CCDC14: variants seen among roughly 807,000 people sequenced by gnomAD.
CCDC14 encodes the protein coiled-coil domain-containing protein 14.
In CCDC14, 71 loss-of-function variants were observed where a neutral mutation model predicts 81.4. The ratio of observed to expected loss-of-function variants is 0.87; its 90% CI spans 0.72 to 1.06. CCDC14 has a LOEUF of 1.06. Ranked by LOEUF, CCDC14 falls within the 50% of genes least tolerant of loss-of-function variation. The pLI is 0.00. For synonymous variants in CCDC14, 332 were observed against 364.8 expected (o/e 0.91, Z 1.03); for missense variants, 1,046 against 1,047.3 (o/e 1.00, Z 0.02).
At position 123,925,636 on chromosome 3, in the gene CCDC14, A is replaced by T. The variant is rs147052195; in HGVS notation, c.1778+5466T>A. 6.1e-3 allele frequency among the ~76,000 whole-genome samples: 923 copies of T among 152,252 alleles called. 5 individuals are homozygous for T. Among genetic ancestry groups the T allele is most frequent in the African/African-American group, 0.021 (888 of 41,544 alleles). On this transcript the variant is annotated intron_variant, in intron 12 of 12. Transcript: ENST00000409697. ...TTTTTAGTAGAGACAGGGTTTTACC[A>T]TGTTGGCCAGGCTGGTCTCAAACTC...
Position 123,931,111 on chromosome 3 carries a change from T to C in CCDC14, c.1769A>G (p.Glu590Gly), listed in dbSNP as rs769320851. The change falls in exon 12 of 13, where the codon GAA (glutamate) becomes GGA (glycine). Residue 590 changes from glutamate (E) to glycine (G), a missense_variant. Glu to Gly is a moderately conservative substitution (Grantham distance 98). Coordinates refer to ENST00000409697, the MANE Select transcript of CCDC14 (RefSeq NM_001366335.1). ...AGGAAGTCAATTTTACCTGGTTAAT[T>C]CTCTTAGTCGAGTCACCTCAGCATC... ...QRDAEVTRLRELTRTLQTSMA... is the reference protein window; with the variant it reads ...QRDAEVTRLRGLTRTLQTSMA... 19 of 1,578,142 alleles carry C rather than the reference T, an allele frequency of 1.2e-5. No homozygotes were observed. Among genetic ancestry groups the C allele is most frequent in the Non-Finnish European group, 1.5e-5 (18 of 1,170,872 alleles).
intron 9 of CCDC14, among the ~76,000 whole-genome samples, chr3:123,940,880 GCCTAA>G (rs2036314846): frequency 6.6e-6 from 1 of 151,904 alleles, no homozygotes; most frequent in African/African-American, 2.4e-5. Flanking sequence ...CTATTACCTT[GCCTAA>G]CTCAAAAAAC....
In CCDC14 at chr3:123,944,951, G is replaced by A; in HGVS notation, c.1241C>T (p.Ala414Val). ...EIQRLITEMEACISVLPTVSG... is the reference protein window; with the variant it reads ...EIQRLITEMEVCISVLPTVSG... ...TACTGTTGGAAGTACAGATATACATGCCTCCATTTCTGTAATCAACCTCTG... is the reference window on the plus strand; with the variant it reads ...TACTGTTGGAAGTACAGATATACATACCTCCATTTCTGTAATCAACCTCTG... The change falls in exon 9 of 13, where the codon GCA (alanine) becomes GTA (valine). Residue 414 changes from alanine (A) to valine (V), a missense_variant. Ala to Val is a moderately conservative substitution (Grantham distance 64). Transcript: ENST00000409697. The A allele has an allele frequency of 6.2e-7, 1 of 1,607,868 alleles. No individual in the cohort carries two copies. The highest frequency in any genetic ancestry group is 8.5e-7 in the Non-Finnish European group (1 of 1,175,724).
chr3:123,893,339 C>T (rs147411865), downstream of CCDC14, among the ~76,000 whole-genome samples: 2 of 151,950 alleles, frequency 1.3e-5, no homozygotes, highest in East Asian at 3.9e-4. Flanking sequence ...AATATTTATC[C>T]TTTTGTGTCT....
At chr3:123,918,827 C>T (rs2034865519) in intron 12 of CCDC14, among the ~76,000 whole-genome samples, 1 of 152,196 alleles carries the variant, frequency 6.6e-6, no homozygotes, top group Admixed American at 6.5e-5. Flanking sequence ...TGACTCTGCA[C>T]TCCTGCCAAT....
intron 1 of CCDC14, chr3:123,959,015 T>C (rs974435620): frequency 1.3e-5 from 2 of 152,188 alleles, no homozygotes; most frequent in African/African-American, 4.8e-5. Flanking sequence ...ATTGTATGTA[T>C]ATACCATATT....
At chr3:123,891,020 C>T in the CCDC14 span, among the ~76,000 whole-genome samples, 2 of 152,246 alleles carry the variant, frequency 1.3e-5, no homozygotes, top group African/African-American at 4.8e-5. Flanking sequence ...GCAGGCTCAA[C>T]ACCATGTGGA....
chr3:123,895,490 G>A (rs747366148), downstream of CCDC14, among the ~76,000 whole-genome samples: 2 of 152,160 alleles, frequency 1.3e-5, no homozygotes, highest in Non-Finnish European at 2.9e-5. Context: ...CTCAAGTCTA[G>A]CTGCACAATG....
In CCDC14 at chr3:123,960,349, A is replaced by G. The variant is rs2148977685; in HGVS notation, c.30+795T>C. The stretch of plus-strand genomic sequence containing the variant: ...GTGAGGTGGGAACCTAAATTTCAGA[A>G]AAGTGGTTTGTTCAAAGTCATACAT... On this transcript the variant is annotated intron_variant, in intron 1 of 12. Coordinates refer to ENST00000409697, the MANE Select transcript of CCDC14 (RefSeq NM_001366335.1). Among the ~76,000 whole-genome samples, 3 of 152,302 alleles carry G rather than the reference A, an allele frequency of 2.0e-5. No individual in the cohort carries two copies. In the South Asian group the frequency reaches 6.2e-4, roughly 32 times the overall value.
downstream of CCDC14, among the ~76,000 whole-genome samples, chr3:123,894,262 C>T (rs1426247348): frequency 6.6e-6 from 1 of 152,216 alleles, no homozygotes; most frequent in Admixed American, 6.5e-5. Context: ...TGAAAATAGG[C>T]TGACCATATA....
At chr3:123,957,974 T>C (rs1248834703) in intron 1 of CCDC14, 1 of 152,100 alleles carries the variant, frequency 6.6e-6, no homozygotes, top group East Asian at 1.9e-4. Context: ...TTATACGGCA[T>C]TCTATTATAT....
intron 12 of CCDC14, among the ~76,000 whole-genome samples, chr3:123,920,540 C>T (rs1349396234): frequency 6.6e-6 from 1 of 152,184 alleles, no homozygotes; most frequent in East Asian, 1.9e-4. Context: ...CTCAATATGG[C>T]TAACAGTGGA....
rs2037087924 is a variant in CCDC14, at chr3:123,952,688, GTTAACAC to G, written c.352+3148_352+3154del. The G allele has an allele frequency of 1.7e-4, 83 of 481,480 alleles. 1 individual carries two copies. Among genetic ancestry groups the G allele is most frequent in the South Asian group, 1.2e-3 (79 of 64,962 alleles). 29.8% of individuals were successfully genotyped at this position (481,480 alleles called of 1,614,324 possible). ...TAAGGAGGCCACTCCCCAGAAGACA[GTTAACAC>G]AAAATAGCAAGATAATGTGTGTTAA... On this transcript the variant is annotated intron_variant, in intron 5 of 12. Transcript: ENST00000409697.
intron 9 of CCDC14, 66 bp from the exon 10 acceptor site, chr3:123,933,821 A>G: frequency 9.6e-7 from 1 of 1,041,898 alleles, no homozygotes; most frequent in Non-Finnish European, 1.4e-6. Context: ...TACATGTGAT[A>G]GCCTATCAAA....
intron 9 of CCDC14, among the ~76,000 whole-genome samples, chr3:123,939,515 G>T (rs991397982): frequency 6.8e-6 from 1 of 147,322 alleles, no homozygotes; most frequent in Non-Finnish European, 1.5e-5. Flanking sequence ...GGTACAACCA[G>T]AAAATTTTCC....
intron 5 of CCDC14, chr3:123,897,747 G>A (rs989429196): frequency 4.4e-6 from 1 of 227,004 alleles, no homozygotes; most frequent in Non-Finnish European, 7.8e-6. Flanking sequence ...CTACCCTCAA[G>A]AGCCCTATAC....
At chr3:123,905,676 C>G (rs1344688328) in intron 5 of CCDC14, among the ~76,000 whole-genome samples, 11 of 152,212 alleles carry the variant, frequency 7.2e-5, no homozygotes, top group Admixed American at 6.5e-4. Flanking sequence ...AATAACTCAT[C>G]AGAAGGGTCT....
At chr3:123,933,817 T>G in intron 9 of CCDC14, 62 bp from the exon 10 acceptor site, 2 of 1,053,662 alleles carry the variant, frequency 1.9e-6, no homozygotes, top group Non-Finnish European at 2.8e-6. Context: ...AGTATACATG[T>G]GATAGCCTAT....
rs1305810643 is a variant in CCDC14, at chr3:123,946,792, G to A, written c.1201+11C>T. 1 of 1,605,346 alleles carries A rather than the reference G, an allele frequency of 6.2e-7. No homozygotes were observed. Among genetic ancestry groups the A allele is most frequent in the East Asian group, 2.2e-5 (1 of 44,830 alleles). ...AACACCATACTACAGAAAGTTATAAGTCCCATCTACCTTGTTCTGCTACCA... is the reference window on the plus strand; with the variant it reads ...AACACCATACTACAGAAAGTTATAAATCCCATCTACCTTGTTCTGCTACCA... On this transcript the variant is annotated intron_variant, in intron 8 of 12. Transcript: ENST00000409697.
Sources: allele counts gnomAD v4.1 joint callset (sites outside exome capture counted in the v4.1 genomes callset), GRCh38; gene constraint gnomAD v4.1.1; transcripts MANE v1.5; gene names NCBI Gene and HGNC (gene_info 2026-07-23, HGNC 2026-07-21).